Variants in PCSK2 observed in about 807,000 individuals in gnomAD.
The protein encoded by PCSK2 is neuroendocrine convertase 2.
A neutral mutation model predicts 69.7 loss-of-function variants in PCSK2; 14 were observed. That is an observed-to-expected ratio of 0.20 (90% CI 0.13 to 0.31). The LOEUF is 0.31. Ranked by LOEUF, PCSK2 falls within the 10% of genes least tolerant of loss-of-function variation. The pLI is 1.00. For missense variants in PCSK2, 544 were observed against 842.5 expected (o/e 0.65, Z 4.39); for synonymous variants, 307 against 320.7 (o/e 0.96, Z 0.46).
intron 2 of PCSK2, among the ~76,000 whole-genome samples, chr20:17,303,123 C>A (rs914611502): frequency 6.7e-6 from 1 of 148,530 alleles, no homozygotes; most frequent in African/African-American, 2.5e-5. Flanking sequence ...CTATATTGTT[C>A]AATCTCTTGC....
chr20:17,274,620 C>G (rs1275388318), intron 2 of PCSK2, among the ~76,000 whole-genome samples: 1 of 152,056 alleles, frequency 6.6e-6, no homozygotes, highest in Non-Finnish European at 1.5e-5. Context: ...CACCAAGATA[C>G]CAGAACTATG....
intron 2 of PCSK2, among the ~76,000 whole-genome samples, chr20:17,268,489 G>A (rs955299737): frequency 6.6e-6 from 1 of 152,102 alleles, no homozygotes; most frequent in Non-Finnish European, 1.5e-5. Context: ...AGGTATTCAT[G>A]TGGATATCTG....
chr20:17,384,920 C>T (rs532293150), intron 5 of PCSK2, among the ~76,000 whole-genome samples: 2 of 151,978 alleles, frequency 1.3e-5, no homozygotes, highest in Non-Finnish European at 2.9e-5. Context: ...AGAACGCAAC[C>T]CTGACTCAAA....
intron 11 of PCSK2, among the ~76,000 whole-genome samples, chr20:17,480,105 G>T (rs1466777800): frequency 1.3e-5 from 2 of 150,116 alleles, no homozygotes; most frequent in Non-Finnish European, 3.0e-5. Flanking sequence ...TCCAACTCTC[G>T]CCAAAGACTC....
chr20:17,227,474 G>C lies in PCSK2; in HGVS notation c.169G>C (p.Val57Leu). The C allele has an allele frequency of 6.2e-7, 1 of 1,613,624 alleles. No homozygotes were observed. The highest frequency in any genetic ancestry group is 8.5e-7 in the Non-Finnish European group (1 of 1,179,674). The stretch of plus-strand genomic sequence containing the variant: ...AGTTGCAGCAGAACACGGCTTTGGA[G>C]TCCGAAAGGTAAGCTCTCCCATGCA... ...RQVAAEHGFGVRKLPFAEGLY... is the reference protein window; with the variant it reads ...RQVAAEHGFGLRKLPFAEGLY... Residue 57 changes from valine to leucine, a missense_variant, in exon 1 of 12, where the codon GTC becomes CTC. Transcript: ENST00000262545.
chr20:17,229,689 G>GTGATT (rs2122925372), intron 1 of PCSK2, among the ~76,000 whole-genome samples: 1 of 152,076 alleles, frequency 6.6e-6, no homozygotes, highest in Non-Finnish European at 1.5e-5. Context: ...ACCAAATCCA[G>GTGATT]TGATTTTTTT....
chr20:17,481,413 A>AAAAAAAAAAGAG (rs113487407), intron 11 of PCSK2, among the ~76,000 whole-genome samples, 171 bp from the exon 12 acceptor site: 15 of 115,820 alleles, frequency 1.3e-4, no homozygotes, highest in African/African-American at 4.3e-4. Flanking sequence ...AAAAAAAAAA[A>AAAAAAAAAAGAG]AGAGATAAGT....
chr20:17,458,551 C>A (rs919048847), intron 10 of PCSK2, among the ~76,000 whole-genome samples: 3 of 152,158 alleles, frequency 2.0e-5, no homozygotes, highest in African/African-American at 7.2e-5. Context: ...TGAGATACTC[C>A]AAATGAGAGC....
Position 17,453,153 on chromosome 20 carries a change from T to C in PCSK2, c.886-589T>C, listed in dbSNP as rs1482036233. On this transcript the variant is annotated intron_variant, in intron 8 of 11. Coordinates refer to ENST00000262545, the MANE Select transcript of PCSK2 (RefSeq NM_002594.5). This position sits in a 1 kb window ranked among gnomAD's most constrained non-coding sequence, Gnocchi z 4.0. ...TATGCACACACACGTAAGATTTTTATATATCATGGAGTAAATGTATGCTTT... is the reference window on the plus strand; with the variant it reads ...TATGCACACACACGTAAGATTTTTACATATCATGGAGTAAATGTATGCTTT... 6.6e-6 allele frequency among the ~76,000 whole-genome samples: 1 copy of C among 152,202 alleles called. No individual in the cohort carries two copies. The highest frequency in any genetic ancestry group is 6.5e-5 in the Admixed American group (1 of 15,274).
chr20:17,451,401 C>A (rs1176751682), intron 8 of PCSK2, among the ~76,000 whole-genome samples: 1 of 152,134 alleles, frequency 6.6e-6, no homozygotes, highest in Non-Finnish European at 1.5e-5. Context: ...TAGAGACTGA[C>A]GGATCGAGGA....
At chr20:17,409,406 T>G (rs1031290766) in intron 6 of PCSK2, 67 bp downstream of exon 6, 4 of 1,124,928 alleles carry the variant, frequency 3.6e-6, no homozygotes, top group Non-Finnish European at 4.1e-6. Flanking sequence ...TTGTTTTGTT[T>G]CAGGCTTGAC....
intron 2 of PCSK2, among the ~76,000 whole-genome samples, chr20:17,306,680 G>A (rs548684326): frequency 6.6e-6 from 1 of 152,032 alleles, no homozygotes; most frequent in South Asian, 2.1e-4. Context: ...TGCAAGACTG[G>A]GTTAAACCAC....
intron 2 of PCSK2, among the ~76,000 whole-genome samples, chr20:17,286,902 T>G (rs1007666649): frequency 6.6e-6 from 1 of 152,130 alleles, no homozygotes; most frequent in African/African-American, 2.4e-5. Flanking sequence ...TAAAGAGAGA[T>G]ATTTATTTTA....
intron 2 of PCSK2, among the ~76,000 whole-genome samples, chr20:17,339,247 TG>T (rs773355630): frequency 4.6e-5 from 7 of 152,188 alleles, no homozygotes; most frequent in Non-Finnish European, 8.8e-5. Context: ...GACCTGAGCA[TG>T]TTTTGAAGTG....
chr20:17,391,932 G>GGAAGGAAGGAAGGAAGGAAA (rs1219913283), intron 5 of PCSK2, among the ~76,000 whole-genome samples: 1 of 145,048 alleles, frequency 6.9e-6, no homozygotes, highest in African/African-American at 2.6e-5. Flanking sequence ...AAGGAAGGAA[G>GGAAGGAAGGAAGGAAGGAAA]GAAGGAAGGA....
At chr20:17,234,516 G>C (rs1190704738) in intron 1 of PCSK2, among the ~76,000 whole-genome samples, 2 of 152,142 alleles carry the variant, frequency 1.3e-5, no homozygotes, top group African/African-American at 4.8e-5. Context: ...CCAGCAAGTG[G>C]GCAACTGGCA....
chr20:17,363,996 G>T (rs541337880), intron 4 of PCSK2, among the ~76,000 whole-genome samples: 5 of 152,214 alleles, frequency 3.3e-5, no homozygotes, highest in African/African-American at 1.2e-4. Context: ...TTATGAATGG[G>T]AGCCTCATTC....
intron 6 of PCSK2, among the ~76,000 whole-genome samples, chr20:17,411,696 T>C (rs936916395): frequency 1.3e-5 from 2 of 152,210 alleles, no homozygotes; most frequent in African/African-American, 4.8e-5. Context: ...GCTCTGAGAA[T>C]GGACAGACTG....
intron 1 of PCSK2, among the ~76,000 whole-genome samples, chr20:17,239,402 A>T (rs1254777336): frequency 2.0e-5 from 3 of 151,432 alleles, no homozygotes; most frequent in Non-Finnish European, 4.4e-5. Flanking sequence ...GGGAAGAAGG[A>T]TGGGAAACAA....
Sources: allele counts gnomAD v4.1 joint callset (sites outside exome capture counted in the v4.1 genomes callset), GRCh38; gene constraint gnomAD v4.1.1; non-coding constraint Gnocchi (gnomAD v3.1); transcripts MANE v1.5; gene names NCBI Gene and HGNC (gene_info 2026-07-23, HGNC 2026-07-21).